HACD3: variants seen among roughly 807,000 people sequenced by gnomAD.
HACD3 encodes very-long-chain (3R)-3-hydroxyacyl-CoA dehydratase 3.
In HACD3, 30 loss-of-function variants were observed where a neutral mutation model predicts 55.2. The ratio of observed to expected loss-of-function variants is 0.54; its 90% confidence interval spans 0.41 to 0.74. The LOEUF (loss-of-function observed/expected upper bound fraction) is 0.74. Ranked by LOEUF, HACD3 falls within the 30% of genes least tolerant of loss-of-function variation. The pLI is 0.00. For synonymous variants in HACD3, 141 were observed against 151.7 expected, an observed-to-expected ratio of 0.93 and a Z score of 0.52; for missense variants, 363 against 440.1, an observed-to-expected ratio of 0.82 and a Z score of 1.57.
chr15:65,575,653 G>A (rs764039429), intron 10 of HACD3, among the ~76,000 whole-genome samples: 7 of 152,160 alleles, frequency 4.6e-5, no homozygotes, highest in Non-Finnish European at 7.3e-5. Context: ...ACACTGAAGT[G>A]CATAAAAAAT....
chr15:65,530,911 C>G, intron 1 of HACD3, 193 bp downstream of exon 1: 1 of 560,720 alleles, frequency 1.8e-6, no homozygotes, highest in South Asian at 2.3e-5. Flanking sequence ...GGGCACAACC[C>G]CCCGAGGGCT....
rs1201755477 is a variant in HACD3 at position 65,576,857 on chromosome 15, G to T, written c.*478G>T. On this transcript the variant is annotated 3_prime_UTR_variant, in exon 11 of 11. Coordinates refer to ENST00000261875, the MANE Select transcript of HACD3 (RefSeq NM_016395.4). ...ACCTAAGGGGTTACTTGTTTAATGG[G>T]ATGGCATTGACTTTTTGAAAATCAA... 6.5e-6 allele frequency: 1 copy of T among 154,382 alleles called. No individual in the cohort carries two copies. The highest frequency in any genetic ancestry group is 2.4e-5 in the African/African-American group (1 of 41,446). The allele number at this position is 154,382 out of a possible 1,614,324, so 9.6% of individuals were successfully genotyped here.
chr15:65,543,528 TAAC>T (rs2141208075), intron 1 of HACD3, among the ~76,000 whole-genome samples: 1 of 152,162 alleles, frequency 6.6e-6, no homozygotes, highest in East Asian at 1.9e-4. Flanking sequence ...AAATCTTAAA[TAAC>T]AAGGTAGGGA....
At chr15:65,538,783 T>TG (rs1404663921) in intron 1 of HACD3, among the ~76,000 whole-genome samples, 4 of 152,130 alleles carry the variant, frequency 2.6e-5, no homozygotes, top group African/African-American at 9.7e-5. Flanking sequence ...TTTAAGAAAT[T>TG]GCCACAGCCA....
In HACD3 at chr15:65,576,558, T is replaced by C; in HGVS notation, c.*179T>C. ...CTGTTATCTTATTGTAGTACTTGCA[T>C]GACATGGATTCCTGATATCTGATGA... On this transcript the variant is annotated 3_prime_UTR_variant, in exon 11 of 11. Coordinates refer to ENST00000261875, the MANE Select transcript of HACD3 (RefSeq NM_016395.4). 1 of 677,032 alleles carries C rather than the reference T, an allele frequency of 1.5e-6. No homozygotes were observed. The highest frequency in any genetic ancestry group is 3.0e-5 in the Admixed American group (1 of 33,224). The allele number at this position is 677,032 out of a possible 1,614,324, so 41.9% of individuals were successfully genotyped here.
intron 1 of HACD3, among the ~76,000 whole-genome samples, chr15:65,537,934 GAAAAAAA>G (rs1167167112): frequency 0.012 from 292 of 23,808 alleles, 1 homozygote; most frequent in Middle Eastern, 0.031. Context: ...CAACTTCTCA[GAAAAAAA>G]AAAAAAAAAA....
At chr15:65,541,879 A>G (rs1253800322) in intron 1 of HACD3, among the ~76,000 whole-genome samples, 1 of 152,218 alleles carries the variant, frequency 6.6e-6, no homozygotes, top group East Asian at 1.9e-4. Flanking sequence ...AAAAAAAGCA[A>G]GATGTATAAG....
chr15:65,563,159 G>C (rs747529297), intron 6 of HACD3, among the ~76,000 whole-genome samples: 6 of 152,070 alleles, frequency 3.9e-5, no homozygotes, highest in Non-Finnish European at 7.4e-5. Context: ...TCTTGGGCTA[G>C]AATCCTTTTG....
chr15:65,569,019 G>A (rs1328660622), intron 7 of HACD3, among the ~76,000 whole-genome samples: 5 of 150,244 alleles, frequency 3.3e-5, no homozygotes, highest in Admixed American at 6.6e-5. Context: ...AGGCCGAGGC[G>A]GGTGGATCAC....
At chr15:65,568,198 A>G (rs952474227) in intron 7 of HACD3, among the ~76,000 whole-genome samples, 3 of 152,020 alleles carry the variant, frequency 2.0e-5, no homozygotes, top group African/African-American at 7.2e-5. Context: ...CTGGGATTAC[A>G]GACGTGAGCC....
intron 1 of HACD3, chr15:65,550,959 G>A (rs541335300): frequency 6.6e-6 from 1 of 152,324 alleles, no homozygotes; most frequent in Admixed American, 6.5e-5. Flanking sequence ...CAACTTCTGG[G>A]AATCAATGAG....
intron 2 of HACD3, among the ~76,000 whole-genome samples, chr15:65,554,636 A>G (rs2072169426): frequency 6.6e-6 from 1 of 152,102 alleles, no homozygotes; most frequent in Non-Finnish European, 1.5e-5. Flanking sequence ...TTATCTGGGC[A>G]TGGTGGCGGG....
chr15:65,533,078 CAGAA>C (rs1351585620), intron 1 of HACD3, among the ~76,000 whole-genome samples: 1 of 152,094 alleles, frequency 6.6e-6, no homozygotes, highest in African/African-American at 2.4e-5. Flanking sequence ...GAGAATGTTC[CAGAA>C]AGAGAAAGGC....
At chr15:65,572,930 AT>A (rs1292321343) in intron 10 of HACD3, among the ~76,000 whole-genome samples, 1,958 of 143,536 alleles carry the variant, frequency 0.014, 16 homozygotes, top group Non-Finnish European at 0.021. Flanking sequence ...AAAAAAAAAA[AT>A]AAATAAATAA....
In HACD3 at chr15:65,575,188, GT is replaced by G. The variant is rs1247642156; in HGVS notation, c.1013-1098del. On this transcript the variant is annotated intron_variant, in intron 10 of 10. Transcript: ENST00000261875. ...TGTATATAGGTCAAAGGACTTTTTA[GT>G]TTTTTTTTTTTTTTTTGAGACAGAG... Among the ~76,000 whole-genome samples, 368 of 137,210 alleles carry G rather than the reference GT, an allele frequency of 2.7e-3. 2 individuals are homozygous for G. Among genetic ancestry groups the G allele is most frequent in the African/African-American group, 7.5e-3 (281 of 37,590 alleles). The allele number at this position is 137,210 out of a possible 152,430, so 90.0% of individuals were successfully genotyped here.
At chr15:65,533,103 A>G (rs2071918571) in intron 1 of HACD3, among the ~76,000 whole-genome samples, 1 of 152,258 alleles carries the variant, frequency 6.6e-6, no homozygotes, top group Non-Finnish European at 1.5e-5. Flanking sequence ...ATAGACTTTT[A>G]GACACTTGTA....
Position 65,556,730 on chromosome 15 carries a change from C to T in HACD3, c.205-9C>T, listed in dbSNP as rs774439898. ...GAGGGCATTCTCACATTTTCACTTT[C>T]TCTCCTAGCCTGTTTACAAACTGAC... On this transcript the variant is annotated splice_polypyrimidine_tract_variant and intron_variant, in intron 3 of 10. Transcript: ENST00000261875. The T allele has an allele frequency of 2.5e-6, 4 of 1,584,894 alleles. No homozygotes were observed. The highest frequency in any genetic ancestry group is 1.1e-5 in the South Asian group (1 of 88,128).
At chr15:65,542,259 A>G (rs924365308) in intron 1 of HACD3, among the ~76,000 whole-genome samples, 6 of 147,914 alleles carry the variant, frequency 4.1e-5, no homozygotes, top group African/African-American at 1.5e-4. Flanking sequence ...AAAGAAAAGA[A>G]TATCTGTTTT....
chr15:65,570,047 T>C, intron 7 of HACD3, 44 bp from the exon 8 acceptor site: 1 of 1,275,892 alleles, frequency 7.8e-7, no homozygotes, highest in Non-Finnish European at 1.1e-6. Context: ...TAACTTTACA[T>C]ATATTTTATT....
Sources: allele counts gnomAD v4.1 joint callset (sites outside exome capture counted in the v4.1 genomes callset), GRCh38; gene constraint gnomAD v4.1.1; transcripts MANE v1.5; gene names NCBI Gene and HGNC (gene_info 2026-07-23, HGNC 2026-07-21).